Variants in SORCS1 observed in about 807,000 individuals in gnomAD.
The protein encoded by SORCS1 is VPS10 domain-containing receptor SorCS1.
Under a neutral mutation model 146.1 loss-of-function variants are expected in SORCS1, and 60 were observed. The ratio of observed to expected loss-of-function variants is 0.41; its 90% CI spans 0.33 to 0.51. The LOEUF is 0.51. Among genes scored for constraint, SORCS1 ranks in the 20% least tolerant of loss-of-function variants. SORCS1 has a pLI of 0.21. For synonymous variants in SORCS1, 637 were observed against 584.0 expected, an observed-to-expected ratio of 1.09 and a Z score of -1.31; for missense variants, 1,352 against 1,487.6, an observed-to-expected ratio of 0.91 and a Z score of 1.50.
intron 17 of SORCS1, among the ~76,000 whole-genome samples, chr10:106,661,719 T>G (rs1019062721): frequency 6.6e-6 from 1 of 152,250 alleles, no homozygotes. Context: ...ACAAAGTCAC[T>G]TACTAAACAT....
At chr10:106,929,668 G>A (rs1227704338) in intron 2 of SORCS1, among the ~76,000 whole-genome samples, 3 of 152,032 alleles carry the variant, frequency 2.0e-5, no homozygotes, top group Admixed American at 1.3e-4. Flanking sequence ...ATCAAACTTC[G>A]TCAACTTAAG....
chr10:106,720,710 T>G (rs1234610252), intron 6 of SORCS1, among the ~76,000 whole-genome samples: 1 of 152,018 alleles, frequency 6.6e-6, no homozygotes, highest in East Asian at 1.9e-4. Flanking sequence ...TAGATCTTTG[T>G]CCTAAAGTTA....
intron 18 of SORCS1, among the ~76,000 whole-genome samples, chr10:106,644,964 A>G (rs1365685492): frequency 6.6e-6 from 1 of 152,136 alleles, no homozygotes; most frequent in Admixed American, 6.6e-5. Flanking sequence ...ATGTGTATGC[A>G]TTTCTGATGA....
intron 1 of SORCS1, among the ~76,000 whole-genome samples, chr10:107,151,379 T>C (rs1436067199): frequency 6.6e-6 from 1 of 152,206 alleles, no homozygotes; most frequent in African/African-American, 2.4e-5. Context: ...TTCATGCTGC[T>C]GATAAAGACA....
intron 6 of SORCS1, among the ~76,000 whole-genome samples, chr10:106,711,828 G>A (rs909513721): frequency 3.9e-5 from 6 of 151,992 alleles, no homozygotes; most frequent in African/African-American, 9.7e-5. Flanking sequence ...ACGATCCTCC[G>A]TCTAGCACAC....
At chr10:106,875,210 G>A (rs931505891) in intron 2 of SORCS1, among the ~76,000 whole-genome samples, 2 of 151,986 alleles carry the variant, frequency 1.3e-5, no homozygotes, top group Non-Finnish European at 2.9e-5. Flanking sequence ...GAGAACAAAC[G>A]GTATTTGATT....
At chr10:106,798,591 C>T (rs879568405) in intron 3 of SORCS1, among the ~76,000 whole-genome samples, 21 of 152,116 alleles carry the variant, frequency 1.4e-4, no homozygotes, top group Non-Finnish European at 2.6e-4. Context: ...TCCAGCTTCA[C>T]CCATGTCCCT....
intron 1 of SORCS1, among the ~76,000 whole-genome samples, chr10:107,054,205 T>C (rs1335012804): frequency 6.6e-6 from 1 of 152,186 alleles, no homozygotes; most frequent in Non-Finnish European, 1.5e-5. Context: ...AGTAAAAATA[T>C]TCGCAACAGA....
chr10:106,620,308 T>G, intron 20 of SORCS1, 120 bp downstream of exon 20: 1 of 1,304,648 alleles, frequency 7.7e-7, no homozygotes, highest in Non-Finnish European at 1.0e-6. Flanking sequence ...GAGCTTGTTG[T>G]CCTTGAAGCT....
At chr10:106,805,067 C>T (rs1158547568) in intron 3 of SORCS1, among the ~76,000 whole-genome samples, 2 of 152,166 alleles carry the variant, frequency 1.3e-5, no homozygotes, top group African/African-American at 4.8e-5. Context: ...CCCTCCTGAG[C>T]ACTACAGATT....
chr10:106,776,825 T>C, intron 3 of SORCS1, 133 bp from the exon 4 acceptor site: 1 of 833,806 alleles, frequency 1.2e-6, no homozygotes, highest in Non-Finnish European at 1.8e-6. Flanking sequence ...AACAGGGACC[T>C]TGACTCTGTC....
intron 1 of SORCS1, among the ~76,000 whole-genome samples, chr10:107,138,741 T>C (rs1967550644): frequency 2.0e-5 from 3 of 152,206 alleles, no homozygotes. Context: ...GATTTCTCAC[T>C]GAAGCCAAAT....
At chr10:106,814,137 C>A (rs1270365107) in intron 3 of SORCS1, among the ~76,000 whole-genome samples, 1 of 152,198 alleles carries the variant, frequency 6.6e-6, no homozygotes. Flanking sequence ...GATGTAGAAT[C>A]CTTTTCAGAC....
At chr10:106,825,518 C>CATAGTGCTGG (rs2136967512) in intron 3 of SORCS1, among the ~76,000 whole-genome samples, 1 of 151,960 alleles carries the variant, frequency 6.6e-6, no homozygotes, top group Admixed American at 6.5e-5. Context: ...GTGATCCACC[C>CATAGTGCTGG]GCCTCGGCCT....
intron 23 of SORCS1, chr10:106,600,292 T>C (rs988325843): frequency 1.0e-6 from 1 of 958,130 alleles, no homozygotes; most frequent in Admixed American, 6.2e-5. Context: ...ACTTACAAAA[T>C]TTTAAGAAGG....
chr10:107,156,517 A>C (rs904182182), intron 1 of SORCS1, among the ~76,000 whole-genome samples: 1 of 152,214 alleles, frequency 6.6e-6, no homozygotes, highest in African/African-American at 2.4e-5. Flanking sequence ...TGATATAATC[A>C]ATATGTCTTA....
intron 23 of SORCS1, among the ~76,000 whole-genome samples, chr10:106,605,045 G>A (rs10884335): frequency 0.045 from 6,905 of 152,310 alleles, 378 homozygotes; most frequent in East Asian, 0.14. Flanking sequence ...GTAAACCTGT[G>A]TTCTAACAAA....
At chr10:107,111,145 C>A (rs1244038927) in intron 1 of SORCS1, among the ~76,000 whole-genome samples, 1 of 152,154 alleles carries the variant, frequency 6.6e-6, no homozygotes, top group Non-Finnish European at 1.5e-5. Flanking sequence ...GCCATCAATG[C>A]AAGGCTACAG....
In SORCS1 at chr10:106,936,808, A is replaced by G. The variant is rs118003192; in HGVS notation, c.626+19705T>C. On this transcript the variant is annotated intron_variant, in intron 2 of 25. Coordinates refer to ENST00000263054, the MANE Select transcript of SORCS1 (RefSeq NM_052918.5). ...ATGCAAGGTTCAACTCTAAGGGGAT[A>G]ATGGAAAACAAAATAGTTGACTTCT... 5.4e-3 allele frequency among the ~76,000 whole-genome samples: 816 copies of G among 152,368 alleles called. 5 individuals are homozygous for G. The highest frequency in any genetic ancestry group is 0.02 in the Middle Eastern group (6 of 294).
Sources: gnomAD v4.1 joint callset for allele counts (sites outside exome capture counted in the v4.1 genomes callset) on GRCh38, gnomAD v4.1.1 for gene constraint, MANE v1.5 for transcripts, NCBI Gene and HGNC (gene_info 2026-07-23, HGNC 2026-07-21) for gene names.